MEIOB: variants seen among roughly 807,000 people sequenced by gnomAD.
The protein encoded by MEIOB is meiosis-specific with OB domain-containing protein.
MEIOB carries 50 observed loss-of-function variants against 53.1 expected under a neutral mutation model. That is an observed-to-expected ratio of 0.94 (90% CI 0.75 to 1.19). The LOEUF (loss-of-function observed/expected upper bound fraction) is 1.19, where lower values mean the gene tolerates loss of function less well. Ranked by LOEUF, MEIOB falls within the 50% of genes most tolerant of loss-of-function variation. MEIOB has a pLI of 0.00. For synonymous variants in MEIOB, 192 were observed against 182.5 expected, an observed-to-expected ratio of 1.05 and a Z score of -0.42; for missense variants, 551 against 550.8, an observed-to-expected ratio of 1.00 and a Z score of 0.00.
chr16:1,856,661 C>T (rs1386169086), intron 6 of MEIOB, among the ~76,000 whole-genome samples: 1 of 151,796 alleles, frequency 6.6e-6, no homozygotes, highest in Non-Finnish European at 1.5e-5. Flanking sequence ...GGTGTTTCAC[C>T]ATATTGGCCA....
At chr16:1,870,870 C>A (rs1209367954) in intron 1 of MEIOB, among the ~76,000 whole-genome samples, 1 of 152,154 alleles carries the variant, frequency 6.6e-6, no homozygotes, top group East Asian at 1.9e-4. Flanking sequence ...TTATTTACAG[C>A]CCAAAGTGCC....
intron 9 of MEIOB, among the ~76,000 whole-genome samples, chr16:1,850,869 C>T (rs982181224): frequency 7.9e-5 from 12 of 151,524 alleles, no homozygotes; most frequent in African/African-American, 2.7e-4. Context: ...TGCAGTGAGC[C>T]GAGATCACGC....
chr16:1,871,445 T>A (rs1353962824), intron 1 of MEIOB, among the ~76,000 whole-genome samples: 1 of 128,088 alleles, frequency 7.8e-6, no homozygotes, highest in African/African-American at 3.0e-5. Flanking sequence ...GGTCTCGATC[T>A]CCTGACCTCG....
At chr16:1,868,971 T>C (rs549507781) in intron 1 of MEIOB, among the ~76,000 whole-genome samples, 8 of 152,256 alleles carry the variant, frequency 5.3e-5, no homozygotes, top group Non-Finnish European at 7.4e-5. Context: ...ATTAAACCTA[T>C]AAAAAACATG....
chr16:1,856,710 T>G (rs888689115), intron 6 of MEIOB, among the ~76,000 whole-genome samples: 3 of 149,826 alleles, frequency 2.0e-5, no homozygotes, highest in Non-Finnish European at 4.4e-5. Flanking sequence ...TCCACCCGCC[T>G]CAGCCTCCCA....
At chr16:1,838,728 A>G (rs984766709) in intron 12 of MEIOB, among the ~76,000 whole-genome samples, 2 of 151,882 alleles carry the variant, frequency 1.3e-5, no homozygotes, top group African/African-American at 4.8e-5. Context: ...GTCTTGCTCT[A>G]TCACTCAGGC....
chr16:1,842,381 G>C (rs1035725949), intron 10 of MEIOB, among the ~76,000 whole-genome samples: 2 of 150,926 alleles, frequency 1.3e-5, no homozygotes, highest in Non-Finnish European at 2.9e-5. Context: ...TTGGGAGGTC[G>C]AGGTGGGCAG....
At chr16:1,863,381 G>A (rs1385245240) in intron 3 of MEIOB, among the ~76,000 whole-genome samples, 1 of 148,532 alleles carries the variant, frequency 6.7e-6, no homozygotes, top group East Asian at 2.0e-4. Flanking sequence ...TAGTAAAAAC[G>A]GGTTTCGTTT....
chr16:1,871,213 A>G (rs1378247325), intron 1 of MEIOB, among the ~76,000 whole-genome samples: 1 of 71,910 alleles, frequency 1.4e-5, no homozygotes, highest in Non-Finnish European at 3.0e-5. Context: ...CTTTTACCCT[A>G]CAATTTTGTT....
intron 3 of MEIOB, among the ~76,000 whole-genome samples, chr16:1,864,401 T>C (rs1457918257): frequency 6.6e-6 from 1 of 151,952 alleles, no homozygotes; most frequent in Non-Finnish European, 1.5e-5. Context: ...ACAGATGTCA[T>C]CATAAAAAGA....
chr16:1,853,350 A>C, intron 7 of MEIOB, 79 bp from the exon 8 acceptor site: 1 of 1,187,450 alleles, frequency 8.4e-7, no homozygotes, highest in East Asian at 2.5e-5. Context: ...TACAACAATA[A>C]AAGAAAGCTT....
In MEIOB at chr16:1,850,738, G is replaced by A. The variant is rs147046012; in HGVS notation, c.778+2301C>T. Among the ~76,000 whole-genome samples the A allele has an allele frequency of 8.9e-3, 1,348 of 151,924 alleles. 16 individuals carry two copies. Among genetic ancestry groups the A allele is most frequent in the African/African-American group, 0.032 (1,313 of 41,422 alleles). On this transcript the variant is annotated intron_variant, in intron 9 of 13. Transcript: ENST00000325962. Reference sequence around the variant, plus strand: ...GATTGAGACCATCCTGGTTAACACAGTGAAACCCCATCTCTAATAAAAAAT... The same window carrying A: ...GATTGAGACCATCCTGGTTAACACAATGAAACCCCATCTCTAATAAAAAAT...
intron 11 of MEIOB, among the ~76,000 whole-genome samples, chr16:1,840,503 TG>T (rs1281431792): frequency 6.6e-6 from 1 of 151,498 alleles, no homozygotes; most frequent in Non-Finnish European, 1.5e-5. Context: ...ATGGTAACAC[TG>T]GGGGAAACGG....
At chr16:1,860,299 T>C (rs1899410243) in intron 5 of MEIOB, 104 bp downstream of exon 5, 7 of 575,498 alleles carry the variant, frequency 1.2e-5, no homozygotes, top group Middle Eastern at 2.7e-4. Flanking sequence ...CTCATTTTTA[T>C]TGAAATAGAA....
Position 1,868,663 on chromosome 16 carries a change from G to A in MEIOB, c.-9-479C>T, listed in dbSNP as rs563768183. The stretch of plus-strand genomic sequence containing the variant: ...AGGGTCAGGAGATCGAGACCATCCC[G>A]GCTAACATGCTGAAACCCCGTCTCT... On this transcript the variant is annotated intron_variant, in intron 1 of 13. Transcript: ENST00000325962. Among the ~76,000 whole-genome samples, 10 of 152,070 alleles carry A rather than the reference G, an allele frequency of 6.6e-5. 1 individual carries two copies. In the South Asian group the frequency reaches 1.9e-3, roughly 28 times the overall value.
At chr16:1,845,379 G>A (rs1278670143) in intron 9 of MEIOB, among the ~76,000 whole-genome samples, 1 of 152,114 alleles carries the variant, frequency 6.6e-6, no homozygotes, top group Non-Finnish European at 1.5e-5. Context: ...AATTAACCAG[G>A]CGTGGTGGTG....
intron 6 of MEIOB, among the ~76,000 whole-genome samples, chr16:1,854,851 G>C (rs1899261592): frequency 6.6e-6 from 1 of 151,226 alleles, no homozygotes; most frequent in Non-Finnish European, 1.5e-5. Flanking sequence ...AAAAAAAGAA[G>C]AGTTGAAACT....
chr16:1,870,476 T>C (rs1899716480), intron 1 of MEIOB, among the ~76,000 whole-genome samples: 1 of 152,246 alleles, frequency 6.6e-6, no homozygotes, highest in Non-Finnish European at 1.5e-5. Flanking sequence ...AGGCAGCCTG[T>C]GGAGTTAGTC....
chr16:1,865,494 TACACACAC>T (rs1899568223), intron 3 of MEIOB, among the ~76,000 whole-genome samples: 1 of 109,602 alleles, frequency 9.1e-6, no homozygotes, highest in South Asian at 3.0e-4. Flanking sequence ...TGTACACACA[TACACACAC>T]ATACACATGC....
Sources: gnomAD v4.1 joint callset for allele counts (sites outside exome capture counted in the v4.1 genomes callset) on GRCh38, gnomAD v4.1.1 for gene constraint, MANE v1.5 for transcripts, NCBI Gene and HGNC (gene_info 2026-07-23, HGNC 2026-07-21) for gene names.